The following TWSG1 variants were observed in gnomAD, a reference collection of about 807,000 sequenced individuals.
The protein encoded by TWSG1 is twisted gastrulation BMP signaling modulator 1, also known as twisted gastrulation protein homolog 1.
TWSG1 carries 15 observed loss-of-function variants against 23.0 expected under a neutral mutation model. The observed-to-expected ratio is 0.65, with a 90% CI of 0.44 to 1.00. The LOEUF is 1.00. Among genes scored for constraint, TWSG1 ranks in the 50% least tolerant of loss-of-function variants. The probability of loss-of-function intolerance (pLI) is 0.00; values close to 1 mark genes in which losing one functional copy is unlikely to be tolerated. For missense variants in TWSG1, 242 were observed against 278.7 expected, an observed-to-expected ratio of 0.87 and a Z score of 0.94; for synonymous variants, 86 against 92.8, an observed-to-expected ratio of 0.93 and a Z score of 0.42.
chr18:9,348,095 C>G (rs2040485629), intron 2 of TWSG1, among the ~76,000 whole-genome samples: 1 of 152,190 alleles, frequency 6.6e-6, no homozygotes, highest in African/African-American at 2.4e-5. Context: ...ACTGGACTTA[C>G]AGCAGAGAAC....
At chr18:9,390,107 A>G (rs1207464826) in intron 3 of TWSG1, among the ~76,000 whole-genome samples, 1 of 152,174 alleles carries the variant, frequency 6.6e-6, no homozygotes, top group Non-Finnish European at 1.5e-5. Flanking sequence ...GATGGCTGCT[A>G]ATTGATCAGG....
At chr18:9,347,862 A>T (rs2040484395) in intron 2 of TWSG1, among the ~76,000 whole-genome samples, 1 of 152,096 alleles carries the variant, frequency 6.6e-6, no homozygotes, top group East Asian at 1.9e-4. Flanking sequence ...AGTGTCTTCA[A>T]GGATACTTAT....
At chr18:9,346,023 C>T (rs916720978) in intron 2 of TWSG1, among the ~76,000 whole-genome samples, 2 of 152,102 alleles carry the variant, frequency 1.3e-5, no homozygotes, top group Non-Finnish European at 2.9e-5. Context: ...TTAGCATTAA[C>T]TCTTTGTGTT....
At chr18:9,337,965 T>G (rs2040430140) in intron 2 of TWSG1, among the ~76,000 whole-genome samples, 2 of 152,318 alleles carry the variant, frequency 1.3e-5, no homozygotes, top group East Asian at 3.9e-4. Flanking sequence ...AAGGCAGGCC[T>G]CTTAATGTAG....
chr18:9,338,685 G>A (rs1169087417), intron 2 of TWSG1, among the ~76,000 whole-genome samples: 1 of 152,156 alleles, frequency 6.6e-6, no homozygotes, highest in African/African-American at 2.4e-5. Flanking sequence ...TGTGTTGGCT[G>A]GAAACTTTGT....
At chr18:9,351,830 G>A (rs949756403) in intron 2 of TWSG1, among the ~76,000 whole-genome samples, 2 of 151,918 alleles carry the variant, frequency 1.3e-5, no homozygotes, top group Non-Finnish European at 2.9e-5. Flanking sequence ...TTTTTTAGTA[G>A]AGATGGGGTT....
intron 3 of TWSG1, among the ~76,000 whole-genome samples, chr18:9,366,160 C>G (rs957631196): frequency 3.3e-5 from 5 of 152,278 alleles, no homozygotes; most frequent in African/African-American, 9.6e-5. Context: ...ATAGCAGATT[C>G]TTTATAGTAC....
At chr18:9,364,213 T>C (rs542384945) in intron 3 of TWSG1, among the ~76,000 whole-genome samples, 14 of 152,374 alleles carry the variant, frequency 9.2e-5, no homozygotes, top group Non-Finnish European at 1.9e-4. Context: ...TTGCTTCTTT[T>C]GGTTATTTAA....
At chr18:9,391,741 G>A (rs973011822) in intron 3 of TWSG1, among the ~76,000 whole-genome samples, 1 of 152,200 alleles carries the variant, frequency 6.6e-6, no homozygotes, top group Non-Finnish European at 1.5e-5. Context: ...GGCACTGATA[G>A]ATATATTTCT....
intron 2 of TWSG1, among the ~76,000 whole-genome samples, chr18:9,351,301 A>G (rs996810982): frequency 3.9e-5 from 6 of 152,122 alleles, no homozygotes; most frequent in East Asian, 1.9e-4. Context: ...TCTTAGTCCT[A>G]TTATCCAAAC....
chr18:9,368,330 A>C (rs2040588992), intron 3 of TWSG1, among the ~76,000 whole-genome samples: 1 of 152,088 alleles, frequency 6.6e-6, no homozygotes. Flanking sequence ...CCTCCCAAGT[A>C]GCTGAGATTA....
intron 4 of TWSG1, among the ~76,000 whole-genome samples, chr18:9,398,084 CT>C (rs1224136316): frequency 2.0e-5 from 3 of 150,814 alleles, no homozygotes; most frequent in African/African-American, 7.3e-5. Context: ...GGCAAAACAG[CT>C]TCTGTTAAAT....
chr18:9,396,981 C>CTTTTTTAA, intron 4 of TWSG1: 3 of 170,368 alleles, frequency 1.8e-5, no homozygotes, highest in South Asian at 1.9e-4. Flanking sequence ...TTGCTTGAAC[C>CTTTTTTAA]TGAGAGTCGG....
intron 2 of TWSG1, among the ~76,000 whole-genome samples, chr18:9,341,651 T>C (rs957275952): frequency 3.3e-5 from 5 of 152,308 alleles, no homozygotes; most frequent in Middle Eastern, 3.4e-3. Flanking sequence ...CACACTTGTA[T>C]CACAGTTTTG....
intron 3 of TWSG1, among the ~76,000 whole-genome samples, chr18:9,383,846 A>G (rs375025303): frequency 7.2e-5 from 11 of 152,342 alleles, no homozygotes; most frequent in Admixed American, 3.3e-4. Context: ...GAAATTGTCA[A>G]GAATGACAGT....
chr18:9,346,903 C>T (rs896524160), intron 2 of TWSG1, among the ~76,000 whole-genome samples: 35 of 152,162 alleles, frequency 2.3e-4, no homozygotes, highest in Admixed American at 6.5e-4. Context: ...TAAGAAATTG[C>T]CAAACTGTCT....
chr18:9,346,620 C>T (rs1013875035), intron 2 of TWSG1, among the ~76,000 whole-genome samples: 1 of 152,054 alleles, frequency 6.6e-6, no homozygotes, highest in Non-Finnish European at 1.5e-5. Context: ...AAAAAAAAGT[C>T]TTGAGTGCTG....
At chr18:9,396,692 C>A in intron 4 of TWSG1, 146 bp downstream of exon 4, 1 of 1,005,888 alleles carries the variant, frequency 9.9e-7, no homozygotes, top group South Asian at 1.7e-5. Context: ...ACTCAATAAC[C>A]CTGATCCCAT....
intron 3 of TWSG1, among the ~76,000 whole-genome samples, chr18:9,360,524 T>C (rs183431688): frequency 6.6e-6 from 1 of 152,310 alleles, no homozygotes; most frequent in Admixed American, 6.5e-5. Context: ...CTGTCAGCCC[T>C]TCTCTGACCA....
Sources: allele counts gnomAD v4.1 joint callset (sites outside exome capture counted in the v4.1 genomes callset), GRCh38; gene constraint gnomAD v4.1.1; transcripts MANE v1.5; gene names NCBI Gene and HGNC (gene_info 2026-07-23, HGNC 2026-07-21).